KCNK9: variants seen among roughly 807,000 people sequenced by gnomAD.
KCNK9 encodes the protein potassium two pore domain channel subfamily K member 9, also known as potassium channel subfamily K member 9.
In KCNK9, 1 loss-of-function variant was observed where a neutral mutation model predicts 10.8. That is an observed-to-expected ratio of 0.09 (90% confidence interval 0.03 to 0.44). The LOEUF is 0.44. KCNK9 is among the 20% of genes least tolerant of loss of function. The probability of loss-of-function intolerance (pLI) is 0.97; values close to 1 mark genes in which losing one functional copy is unlikely to be tolerated. For synonymous variants in KCNK9, 231 were observed against 222.7 expected, an observed-to-expected ratio of 1.04 and a Z score of -0.33; for missense variants, 303 against 515.0, an observed-to-expected ratio of 0.59 and a Z score of 3.98.
At chr8:139,651,429 G>A (rs1815859762) in intron 1 of KCNK9, among the ~76,000 whole-genome samples, 1 of 152,228 alleles carries the variant, frequency 6.6e-6, no homozygotes, top group African/African-American at 2.4e-5. Flanking sequence ...GCCACAGGAG[G>A]GGACAAAATC....
intron 1 of KCNK9, among the ~76,000 whole-genome samples, chr8:139,691,633 T>C (rs914636750): frequency 6.6e-6 from 1 of 152,198 alleles, no homozygotes; most frequent in African/African-American, 2.4e-5. Context: ...ATTAAATCAT[T>C]ATAAATAGAG....
chr8:139,646,274 C>T (rs1265855027), intron 1 of KCNK9, among the ~76,000 whole-genome samples: 2 of 152,244 alleles, frequency 1.3e-5, no homozygotes, highest in Admixed American at 6.5e-5. Context: ...ACCAGCTGTG[C>T]GCTGGTTCCA....
chr8:139,701,845 C>T (rs1817227521), intron 1 of KCNK9, among the ~76,000 whole-genome samples: 1 of 152,230 alleles, frequency 6.6e-6, no homozygotes, highest in Non-Finnish European at 1.5e-5. Flanking sequence ...TCGGGACCGA[C>T]CAGAGACCCT....
At chr8:139,658,464 G>A (rs1338041655) in intron 1 of KCNK9, among the ~76,000 whole-genome samples, 1 of 152,160 alleles carries the variant, frequency 6.6e-6, no homozygotes, top group African/African-American at 2.4e-5. Context: ...AGGCTACACG[G>A]GTCACGCCTG....
intron 1 of KCNK9, among the ~76,000 whole-genome samples, chr8:139,701,196 A>G (rs1391646034): frequency 1.3e-5 from 2 of 152,216 alleles, no homozygotes; most frequent in African/African-American, 2.4e-5. Context: ...AGCTGGAAAC[A>G]CAGTGTGGGA....
At chr8:139,672,589 C>T (rs967522322) in intron 1 of KCNK9, among the ~76,000 whole-genome samples, 4 of 152,242 alleles carry the variant, frequency 2.6e-5, no homozygotes, top group African/African-American at 7.2e-5. Context: ...AACGGCCCCT[C>T]GCCTGAGGCT....
intron 1 of KCNK9, among the ~76,000 whole-genome samples, chr8:139,645,415 CAGGGTCCAGGTAGGG>C (rs1815646315): frequency 6.6e-6 from 1 of 152,182 alleles, no homozygotes; most frequent in South Asian, 2.1e-4. Context: ...GAGGGGCCTT[CAGGGTCCAGGTAGGG>C]AGGAGAGGAA....
At chr8:139,631,164 T>C (rs1479582141) in intron 1 of KCNK9, among the ~76,000 whole-genome samples, 1 of 152,270 alleles carries the variant, frequency 6.6e-6, no homozygotes, top group Admixed American at 6.5e-5. Flanking sequence ...GTCGCTAATC[T>C]TTCTTTCTCA....
chr8:139,672,390 G>A (rs1263124355), intron 1 of KCNK9, among the ~76,000 whole-genome samples: 1 of 152,180 alleles, frequency 6.6e-6, no homozygotes. Context: ...CCTGTAACCT[G>A]TAATTAACTG....
At chr8:139,671,322 G>A (rs913344990) in intron 1 of KCNK9, among the ~76,000 whole-genome samples, 10 of 152,072 alleles carry the variant, frequency 6.6e-5, no homozygotes, top group African/African-American at 2.4e-4. Context: ...TGGAACTCTT[G>A]GGCCAATATC....
intron 1 of KCNK9, among the ~76,000 whole-genome samples, chr8:139,694,551 C>G (rs1446908933): frequency 6.6e-6 from 1 of 152,156 alleles, no homozygotes; most frequent in South Asian, 2.1e-4. Context: ...CACGGAGGAG[C>G]CCCTGAAATC....
intron 1 of KCNK9, among the ~76,000 whole-genome samples, chr8:139,653,739 T>C (rs1815936839): frequency 6.6e-6 from 1 of 152,066 alleles, no homozygotes; most frequent in Non-Finnish European, 1.5e-5. Flanking sequence ...CATAAATCGC[T>C]CTACAAACAC....
intron 1 of KCNK9, among the ~76,000 whole-genome samples, chr8:139,683,277 G>A (rs1334343397): frequency 6.6e-6 from 1 of 152,140 alleles, no homozygotes; most frequent in Non-Finnish European, 1.5e-5. Flanking sequence ...AGAGAAGGAA[G>A]CAGCCAGAGA....
intron 1 of KCNK9, among the ~76,000 whole-genome samples, chr8:139,695,723 T>A (rs1586698639): frequency 7.0e-6 from 1 of 142,568 alleles, no homozygotes; most frequent in Non-Finnish European, 1.5e-5. Flanking sequence ...TGGGACTCTC[T>A]CAAGAATGCC....
At chr8:139,671,311 C>G (rs960045477) in intron 1 of KCNK9, among the ~76,000 whole-genome samples, 23 of 152,170 alleles carry the variant, frequency 1.5e-4, no homozygotes, top group Non-Finnish European at 7.3e-5. Flanking sequence ...GGACACCCTT[C>G]TGGAACTCTT....
chr8:139,638,890 C>T (rs1392547946), intron 1 of KCNK9, among the ~76,000 whole-genome samples: 3 of 152,190 alleles, frequency 2.0e-5, no homozygotes, highest in African/African-American at 2.4e-5. Context: ...GGAGCGAGTC[C>T]ACCAGCTCTC....
At chr8:139,603,256 G>C (rs1167040425) in intron 2 of KCNK9, among the ~76,000 whole-genome samples, 1 of 152,172 alleles carries the variant, frequency 6.6e-6, no homozygotes, top group African/African-American at 2.4e-5. Flanking sequence ...TTCCTCATTT[G>C]GGCAGCGGCA....
Position 139,703,039 on chromosome 8 carries a change from C to T in KCNK9, c.-47G>A. 2 of 1,528,630 alleles carry T rather than the reference C, an allele frequency of 1.3e-6. No individual in the cohort carries two copies. Among genetic ancestry groups the T allele is most frequent in the Admixed American group, 2.0e-5 (1 of 50,292 alleles). 94.7% of individuals were successfully genotyped at this position (1,528,630 alleles called of 1,614,324 possible). ...GCGGGGGGCATGTCCCGCAGGCTCACAGCCGCGCGCGTCCCACTGCAGCGC... is the reference window on the plus strand; with the variant it reads ...GCGGGGGGCATGTCCCGCAGGCTCATAGCCGCGCGCGTCCCACTGCAGCGC... On this transcript the variant is annotated 5_prime_UTR_variant, in exon 1 of 2. The change creates a new upstream start codon in the 5' untranslated region. Transcript: ENST00000520439. The surrounding 1 kb of genome is among the most constrained non-coding windows in gnomAD (Gnocchi z 6.4).
intron 1 of KCNK9, among the ~76,000 whole-genome samples, chr8:139,629,160 C>A (rs939790143): frequency 1.3e-5 from 2 of 152,246 alleles, no homozygotes; most frequent in African/African-American, 4.8e-5. Flanking sequence ...CCTCGATACA[C>A]ATCAGCTGTC....
Sources: allele counts gnomAD v4.1 joint callset (sites outside exome capture counted in the v4.1 genomes callset), GRCh38; gene constraint gnomAD v4.1.1; non-coding constraint Gnocchi (gnomAD v3.1); transcripts MANE v1.5; gene names NCBI Gene and HGNC (gene_info 2026-07-23, HGNC 2026-07-21).